Variants in ZNF25 observed in about 807,000 individuals in gnomAD.
The protein encoded by ZNF25 is zinc finger protein 25 (KOX 19).
A neutral mutation model predicts 30.9 loss-of-function variants in ZNF25; 21 were observed. The ratio of observed to expected loss-of-function variants is 0.68; its 90% CI spans 0.48 to 0.98. The LOEUF (loss-of-function observed/expected upper bound fraction) is 0.98. Ranked by LOEUF, ZNF25 falls within the 50% of genes least tolerant of loss-of-function variation. The probability of loss-of-function intolerance (pLI) is 0.00; values close to 1 mark genes in which losing one functional copy is unlikely to be tolerated. For missense variants in ZNF25, 501 were observed against 529.9 expected, an observed-to-expected ratio of 0.95 and a Z score of 0.54; for synonymous variants, 169 against 181.3, an observed-to-expected ratio of 0.93 and a Z score of 0.55.
At chr10:37,954,667 G>A (rs2062401101) in intron 4 of ZNF25, among the ~76,000 whole-genome samples, 1 of 152,060 alleles carries the variant, frequency 6.6e-6, no homozygotes, top group African/African-American at 2.4e-5. Context: ...GATCTTTAAA[G>A]GTCCAATTAT....
Position 37,957,012 on chromosome 10 carries a change from T to C in ZNF25, c.238+8A>G, listed in dbSNP as rs935068164. On this transcript the variant is annotated splice_region_variant and intron_variant, in intron 4 of 5. Transcript: ENST00000302609. The stretch of plus-strand genomic sequence containing the variant: ...CAGTAACATGGGATATAATTTCTTC[T>C]AACTCACCAGGGAAGCCCCGATGTG... The C allele has an allele frequency of 3.7e-6, 6 of 1,612,000 alleles. No homozygotes were observed. The highest frequency in any genetic ancestry group is 5.1e-6 in the Non-Finnish European group (6 of 1,178,318).
At chr10:37,953,802 T>A (rs1279115592) in intron 4 of ZNF25, 44 bp from the exon 5 acceptor site, 2 of 1,513,224 alleles carry the variant, frequency 1.3e-6, no homozygotes, top group Non-Finnish European at 1.8e-6. Context: ...ATACTACACA[T>A]TAATATTGTC....
At chr10:37,972,265 T>C (rs1038137111) in intron 1 of ZNF25, among the ~76,000 whole-genome samples, 2 of 152,202 alleles carry the variant, frequency 1.3e-5, no homozygotes, top group Non-Finnish European at 2.9e-5. Flanking sequence ...TCTCCCTAAA[T>C]TGCAGTTTCT....
At chr10:37,970,943 T>C (rs566749120) in intron 2 of ZNF25, among the ~76,000 whole-genome samples, 18 of 152,220 alleles carry the variant, frequency 1.2e-4, no homozygotes, top group Non-Finnish European at 2.4e-4. Context: ...TCCTCCTAAA[T>C]TGCTTGAGTT....
intron 1 of ZNF25, 45 bp from the exon 2 acceptor site, chr10:37,971,852 T>A: frequency 7.8e-7 from 1 of 1,283,080 alleles, no homozygotes; most frequent in Non-Finnish European, 1.1e-6. Context: ...TATATACCTT[T>A]GAGAAAATGT....
chr10:37,956,996 G>A (rs191577560), intron 4 of ZNF25, 24 bp downstream of exon 4: 6 of 1,577,800 alleles, frequency 3.8e-6, no homozygotes, highest in Non-Finnish European at 5.2e-6. Flanking sequence ...CCAGTAACAT[G>A]GGATATAATT....
chr10:37,950,795 G>A lies in ZNF25; in HGVS notation c.*1332C>T, dbSNP rs1052128006. On this transcript the variant is annotated 3_prime_UTR_variant, in exon 6 of 6. Coordinates refer to ENST00000302609, the MANE Select transcript of ZNF25 (RefSeq NM_145011.4). ...CCATGCTGGAATCGGGGCCCAGGCA[G>A]CAGGAGCCCAGAGTCCACACCCTTA... The A allele has an allele frequency of 2.0e-5, 3 of 152,120 alleles. No homozygotes were observed. Among genetic ancestry groups the A allele is most frequent in the Non-Finnish European group, 2.9e-5 (2 of 68,036 alleles). The allele number at this position is 152,120 out of a possible 1,614,324, so 9.4% of individuals were successfully genotyped here. A position where few individuals can be genotyped will look rare whatever the true frequency, so the allele number is the denominator to read the frequency against.
chr10:37,956,911 G>C (rs971199243), intron 4 of ZNF25, 109 bp downstream of exon 4: 3 of 647,596 alleles, frequency 4.6e-6, no homozygotes, highest in Non-Finnish European at 7.1e-6. Flanking sequence ...GTGAAACTCT[G>C]TTTCAAAAAA....
intron 2 of ZNF25, 102 bp downstream of exon 2, chr10:37,971,606 G>T: frequency 1.3e-6 from 2 of 1,551,728 alleles, no homozygotes; most frequent in South Asian, 1.1e-5. Flanking sequence ...TTAGTATATG[G>T]GCTCTCGTTC....
chr10:37,975,176 A>AT (rs1321518613), intron 1 of ZNF25, among the ~76,000 whole-genome samples: 1 of 152,206 alleles, frequency 6.6e-6, no homozygotes, highest in Non-Finnish European at 1.5e-5. Context: ...AGGTAGAAGG[A>AT]TTAAGTCCTA....
At chr10:37,953,286 T>C in intron 5 of ZNF25, 91 bp from the exon 6 acceptor site, 1 of 1,200,576 alleles carries the variant, frequency 8.3e-7, no homozygotes, top group Non-Finnish European at 1.2e-6. Context: ...CAAGTACCTC[T>C]GAGGACCGAT....
chr10:37,952,581 C>A lies in ZNF25; in HGVS notation c.917G>T (p.Arg306Ile). 6.2e-7 allele frequency: 1 copy of A among 1,613,374 alleles called. No homozygotes were observed. Among genetic ancestry groups the A allele is most frequent in the South Asian group, 1.1e-5 (1 of 91,052 alleles). ...SRNSHLKTHQ[R>I]SHTGEKPYEC... Reference sequence around the variant, plus strand: ...ATAGGGTTTCTCTCCTGTGTGACTTCTCTGATGAGTTTTGAGGTGTGAATT... The same window carrying A: ...ATAGGGTTTCTCTCCTGTGTGACTTATCTGATGAGTTTTGAGGTGTGAATT... The change falls in exon 6 of 6, where the codon AGA becomes ATA. Residue 306 changes from arginine to isoleucine, a missense_variant. Arg to Ile is a moderately conservative substitution (Grantham distance 97). Coordinates refer to ENST00000302609, the MANE Select transcript of ZNF25 (RefSeq NM_145011.4).
intron 4 of ZNF25, 81 bp downstream of exon 4, chr10:37,956,938 AG>A: frequency 4.2e-6 from 3 of 706,274 alleles, no homozygotes; most frequent in Non-Finnish European, 7.1e-6. Context: ...AAAAAAAGTG[AG>A]AGATTGCCGA....
intron 1 of ZNF25, among the ~76,000 whole-genome samples, chr10:37,974,308 C>G (rs1399455104): frequency 6.6e-6 from 1 of 151,950 alleles, no homozygotes; most frequent in African/African-American, 2.4e-5. Flanking sequence ...TTCAGCACAG[C>G]AAAGTAAGCA....
chr10:37,966,918 C>T (rs1186553911), intron 2 of ZNF25, among the ~76,000 whole-genome samples: 2 of 152,192 alleles, frequency 1.3e-5, no homozygotes, highest in East Asian at 3.8e-4. Flanking sequence ...ATATTAAAAA[C>T]ATGATTCAAA....
chr10:37,966,933 T>C (rs917518440), intron 2 of ZNF25, among the ~76,000 whole-genome samples: 17 of 152,322 alleles, frequency 1.1e-4, no homozygotes, highest in African/African-American at 2.6e-4. Flanking sequence ...TTCAAATATA[T>C]GCCTTCTAAA....
At position 37,953,181 on chromosome 10, in the gene ZNF25, G is replaced by A; in HGVS notation, c.317C>T (p.Thr106Ile). ...QAGNSRNGEL[T>I]KHQKTHTTEK... The stretch of plus-strand genomic sequence containing the variant: ...TGTGGTATGAGTTTTCTGATGTTTT[G>A]TGAGTTCTCCATTCCTAGACAGAAA... Residue 106 changes from threonine (T) to isoleucine (I), a missense_variant, in exon 6 of 6, where the codon ACA becomes ATA. Transcript: ENST00000302609. The A allele has an allele frequency of 6.3e-7, 1 of 1,584,556 alleles. No homozygotes were observed.
At chr10:37,974,502 G>A (rs2063686976) in intron 1 of ZNF25, among the ~76,000 whole-genome samples, 1 of 152,018 alleles carries the variant, frequency 6.6e-6, no homozygotes. Context: ...ATGGCCAATA[G>A]GTATACGATA....
In ZNF25 at chr10:37,953,129, A is replaced by G. The variant is rs1041510572; in HGVS notation, c.369T>C (p.Cys123=). ...CAGACTTCTGGCAGAAGAACTTCCC[A>G]CATTCCTTACATTCACAGGCTTTCT... ...TTEKACECKE[C]GKFFCQKSAL... The change falls in exon 6 of 6, where the codon TGT becomes TGC. Residue 123 remains cysteine (C), a synonymous_variant. Transcript: ENST00000302609. 4 of 1,610,398 alleles carry G rather than the reference A, an allele frequency of 2.5e-6. No individual in the cohort carries two copies. The highest frequency in any genetic ancestry group is 2.5e-6 in the Non-Finnish European group (3 of 1,179,190).
Sources: allele counts gnomAD v4.1 joint callset (sites outside exome capture counted in the v4.1 genomes callset), GRCh38; gene constraint gnomAD v4.1.1; transcripts MANE v1.5; gene names NCBI Gene and HGNC (gene_info 2026-07-23, HGNC 2026-07-21).